The following PLXNA4 variants were observed in gnomAD, a reference collection of about 807,000 sequenced individuals.
The protein encoded by PLXNA4 is plexin A4, also known as plexin-A4.
A neutral mutation model predicts 191.8 loss-of-function variants in PLXNA4; 44 were observed. The observed-to-expected ratio is 0.23, with a 90% CI of 0.18 to 0.29. The LOEUF (loss-of-function observed/expected upper bound fraction) is 0.29. Among genes scored for constraint, PLXNA4 ranks in the 10% least tolerant of loss-of-function variants. The probability of loss-of-function intolerance (pLI) is 1.00; values close to 1 mark genes in which losing one functional copy is unlikely to be tolerated. For missense variants in PLXNA4, 1,800 were observed against 2,488.8 expected, an observed-to-expected ratio of 0.72 and a Z score of 5.89; for synonymous variants, 1,082 against 1,009.5, an observed-to-expected ratio of 1.07 and a Z score of -1.36.
At chr7:132,178,707 T>TACACACACAC (rs1366959944) in intron 20 of PLXNA4, among the ~76,000 whole-genome samples, 4 of 68,472 alleles carry the variant, frequency 5.8e-5, no homozygotes, top group African/African-American at 2.3e-4. Flanking sequence ...CACATACACA[T>TACACACACAC]ACACATACAC....
chr7:132,194,709 G>A (rs893910352), intron 13 of PLXNA4, among the ~76,000 whole-genome samples: 3 of 152,150 alleles, frequency 2.0e-5, no homozygotes, highest in African/African-American at 7.2e-5. Flanking sequence ...GTGTGTGTGT[G>A]TATGTGTGTG....
intron 30 of PLXNA4, among the ~76,000 whole-genome samples, chr7:132,140,007 C>T (rs140968363): frequency 2.1e-3 from 316 of 152,278 alleles, no homozygotes; most frequent in African/African-American, 7.0e-3. Context: ...CCCAGCCCTG[C>T]GGCTCATAGG....
chr7:132,159,687 C>A, intron 24 of PLXNA4, 55 bp from the exon 25 acceptor site: 2 of 1,601,888 alleles, frequency 1.2e-6, no homozygotes, highest in Non-Finnish European at 1.7e-6. Context: ...GGAAAAGCTC[C>A]TAGATCCCCA....
chr7:132,208,737 C>T (rs1797705918), intron 10 of PLXNA4, among the ~76,000 whole-genome samples: 3 of 152,200 alleles, frequency 2.0e-5, no homozygotes, highest in African/African-American at 7.2e-5. Flanking sequence ...CAACACCCGA[C>T]AGACAGACTG....
intron 25 of PLXNA4, among the ~76,000 whole-genome samples, chr7:132,157,292 G>A (rs1481874606): frequency 6.6e-6 from 1 of 152,214 alleles, no homozygotes. Context: ...CTGCTCTTGG[G>A]CTTCCTTTCA....
intron 3 of PLXNA4, among the ~76,000 whole-genome samples, chr7:132,376,016 G>A (rs1263740342): frequency 6.6e-6 from 1 of 152,196 alleles, no homozygotes; most frequent in Admixed American, 6.5e-5. Flanking sequence ...CATGACCTTA[G>A]ACCAATGCCT....
chr7:132,647,690 C>T (rs552090036), intron 1 of PLXNA4, among the ~76,000 whole-genome samples: 1 of 151,934 alleles, frequency 6.6e-6, no homozygotes, highest in Non-Finnish European at 1.5e-5. Context: ...TACTCACATA[C>T]ACACTCACAA....
In PLXNA4 at chr7:132,326,072, G is replaced by C. The variant is rs540693955; in HGVS notation, c.1372-27850C>G. Among the ~76,000 whole-genome samples, 43 of 152,292 alleles carry C rather than the reference G, an allele frequency of 2.8e-4. No homozygotes were observed. The South Asian group carries it at 8.9e-3, about 32-fold the overall frequency. ...GATGAAATGCATGTTTGAGTGGTTG[G>C]AGTAGTGCATCAGACTGCCTTCCCA... On this transcript the variant is annotated intron_variant, in intron 3 of 31. Transcript: ENST00000321063.
At chr7:132,378,680 G>A (rs753628467) in intron 3 of PLXNA4, among the ~76,000 whole-genome samples, 1 of 152,106 alleles carries the variant, frequency 6.6e-6, no homozygotes, top group Non-Finnish European at 1.5e-5. Context: ...TTCAAAGAAA[G>A]AGAATGAGAA....
At chr7:132,547,755 A>C (rs1289094370) in intron 1 of PLXNA4, among the ~76,000 whole-genome samples, 1 of 152,192 alleles carries the variant, frequency 6.6e-6, no homozygotes, top group Admixed American at 6.5e-5. Context: ...AGGAGAATCA[A>C]ATCAGGGTCT....
At chr7:132,500,754 G>T (rs762342160) in intron 2 of PLXNA4, among the ~76,000 whole-genome samples, 5 of 152,294 alleles carry the variant, frequency 3.3e-5, no homozygotes, top group Non-Finnish European at 7.4e-5. Context: ...TGTGTCTATC[G>T]TTATTAACAT....
At chr7:132,160,463 C>T (rs1020498629) in intron 24 of PLXNA4, among the ~76,000 whole-genome samples, 49 of 152,184 alleles carry the variant, frequency 3.2e-4, no homozygotes, top group African/African-American at 1.1e-3. Context: ...TTAAAAAGAA[C>T]AAGGCTTTTC....
chr7:132,259,312 T>C (rs1163415117), intron 4 of PLXNA4, among the ~76,000 whole-genome samples: 1 of 151,164 alleles, frequency 6.6e-6, no homozygotes, highest in Non-Finnish European at 1.5e-5. Context: ...GGCACGCACC[T>C]GTAATCCCAG....
intron 9 of PLXNA4, among the ~76,000 whole-genome samples, chr7:132,221,537 C>G (rs77269753): frequency 0.054 from 8,180 of 152,234 alleles, 432 homozygotes; most frequent in African/African-American, 0.14. Context: ...GAAACCACAC[C>G]CTGAGACAGG....
intron 5 of PLXNA4, among the ~76,000 whole-genome samples, chr7:132,234,547 G>C (rs1007542045): frequency 1.3e-5 from 2 of 151,264 alleles, no homozygotes; most frequent in Admixed American, 6.6e-5. Context: ...AATTTATATG[G>C]GAAGATGGCA....
At chr7:132,143,022 C>A (rs1386399723) in intron 29 of PLXNA4, among the ~76,000 whole-genome samples, 1 of 151,782 alleles carries the variant, frequency 6.6e-6, no homozygotes, top group African/African-American at 2.4e-5. Context: ...AGTGGTGGCA[C>A]TAATCTCTGG....
At chr7:132,628,385 T>C (rs1803424204) in intron 2 of PLXNA4, among the ~76,000 whole-genome samples, 1 of 152,056 alleles carries the variant, frequency 6.6e-6, no homozygotes, top group African/African-American at 2.4e-5. Context: ...TCTCTCTCTC[T>C]TTTTCTCTCA....
rs781501987 is a variant in PLXNA4, at chr7:132,140,811, G to A, written c.5226C>T (p.Cys1742=). Residue 1742 remains cysteine, a splice_region_variant and synonymous_variant, in exon 30 of 32, where the codon TGC becomes TGT. Transcript: ENST00000321063. ...TGTTGACCCAAAACCTCAGGGGCAG[G>A]CTGCGTGGAAGGAAGAGGCAGATGG... The part of the protein sequence containing the change: ...PHVRHTWKSN[C]LPLRFWVNMI... 10 of 1,614,044 alleles carry A rather than the reference G, an allele frequency of 6.2e-6. No homozygotes were observed. Among genetic ancestry groups the A allele is most frequent in the Non-Finnish European group, 8.5e-6 (10 of 1,179,952 alleles).
intron 1 of PLXNA4, among the ~76,000 whole-genome samples, chr7:132,562,072 C>T (rs1337064289): frequency 8.6e-6 from 1 of 115,804 alleles, no homozygotes; most frequent in Admixed American, 8.3e-5. Context: ...TTCTCCTCCT[C>T]TTCCTCCTCC....
Sources: allele counts gnomAD v4.1 joint callset (sites outside exome capture counted in the v4.1 genomes callset), GRCh38; gene constraint gnomAD v4.1.1; transcripts MANE v1.5; gene names NCBI Gene and HGNC (gene_info 2026-07-23, HGNC 2026-07-21).